Variants in SHC2 observed in about 807,000 individuals in gnomAD.
SHC2 encodes the protein SHC-transforming protein 2.
Under a neutral mutation model 60.6 loss-of-function variants are expected in SHC2, and 62 were observed. The observed-to-expected ratio is 1.02, with a 90% CI of 0.83 to 1.26. The LOEUF is 1.26. SHC2 is among the 50% of genes most tolerant of loss of function. The probability of loss-of-function intolerance (pLI) is 0.00; values close to 1 mark genes in which losing one functional copy is unlikely to be tolerated. For synonymous variants in SHC2, 375 were observed against 372.4 expected, an observed-to-expected ratio of 1.01 and a Z score of -0.08; for missense variants, 873 against 822.2, an observed-to-expected ratio of 1.06 and a Z score of -0.76.
intron 8 of SHC2, among the ~76,000 whole-genome samples, chr19:434,436 G>A (rs370184784): frequency 0.036 from 2,439 of 67,930 alleles, 30 homozygotes; most frequent in Non-Finnish European, 0.05. Flanking sequence ...GACTGAGTGA[G>A]ATCATGAGTC....
Position 425,374 on chromosome 19 carries a change from T to A in SHC2, c.1175-143A>T. The A allele has an allele frequency of 1.5e-6, 1 of 661,838 alleles. No individual in the cohort carries two copies. Among genetic ancestry groups the A allele is most frequent in the Non-Finnish European group, 2.1e-6 (1 of 467,302 alleles). The allele number at this position is 661,838 out of a possible 1,614,324, so 41.0% of individuals were successfully genotyped here. A position where few individuals can be genotyped will look rare whatever the true frequency, so the allele number is the denominator to read the frequency against. On this transcript the variant is annotated intron_variant, in intron 9 of 12. Coordinates refer to ENST00000264554, the MANE Select transcript of SHC2 (RefSeq NM_012435.3). This position sits in a 1 kb window ranked among gnomAD's most constrained non-coding sequence, Gnocchi z 4.1. ...GGCGGATGCTGCTCTGGTCTCCCTGTGGTAACCCGCCCGTCTGCAGGTGCC... is the reference window on the plus strand; with the variant it reads ...GGCGGATGCTGCTCTGGTCTCCCTGAGGTAACCCGCCCGTCTGCAGGTGCC...
In SHC2 at chr19:438,861, G is replaced by A. The variant is rs560638837; in HGVS notation, c.601-24C>T. The A allele has an allele frequency of 2.3e-4, 358 of 1,558,148 alleles. 4 individuals carry two copies. The highest frequency in any genetic ancestry group is 2.0e-3 in the South Asian group (168 of 84,574). On this transcript the variant is annotated intron_variant, in intron 3 of 12. Transcript: ENST00000264554. The surrounding 1 kb of genome is among the most constrained non-coding windows in gnomAD (Gnocchi z 5.0). ...GCCTGAGTTGGGGGCGGAGCACAGC[G>A]AGGGCGGCTGTGGGTGGGGGCTGTC...
rs991248752 is a variant in SHC2, at chr19:422,736, C to G, written c.1310-280G>C. On this transcript the variant is annotated intron_variant, in intron 10 of 12. Coordinates refer to ENST00000264554, the MANE Select transcript of SHC2 (RefSeq NM_012435.3). This position sits in a 1 kb window ranked among gnomAD's most constrained non-coding sequence, Gnocchi z 5.0. ...AGCTCTTTCTTTCAGAGGTTAACTC[C>G]TATTTCTTTTTCCTGCCTTGTCAGG... The G allele has an allele frequency of 1.7e-5, 6 of 360,266 alleles. No individual in the cohort carries two copies. Among genetic ancestry groups the G allele is most frequent in the Non-Finnish European group, 2.5e-5 (5 of 200,428 alleles). The allele number at this position is 360,266 out of a possible 1,614,324, so 22.3% of individuals were successfully genotyped here.
Position 436,619 on chromosome 19 carries a change from C to T in SHC2, c.774+11G>A. 6.2e-7 allele frequency: 1 copy of T among 1,603,140 alleles called. No homozygotes were observed. The highest frequency in any genetic ancestry group is 8.5e-7 in the Non-Finnish European group (1 of 1,177,366). On this transcript the variant is annotated intron_variant, in intron 5 of 12. Transcript: ENST00000264554. ...GCAGGGCTGCAGGTCCACCCCCATCCCTGGCCTCACCGTGTCTCCGCCTGA... is the reference window on the plus strand; with the variant it reads ...GCAGGGCTGCAGGTCCACCCCCATCTCTGGCCTCACCGTGTCTCCGCCTGA...
In SHC2 at chr19:438,670, T is replaced by C. The variant is rs765988654; in HGVS notation, c.720+48A>G. ...ACCTGGCTTTGCCTCCTAGGACTCC[T>C]GGCCCCTCTGGGGGTCTGGGGACGC... On this transcript the variant is annotated intron_variant, in intron 4 of 12. Coordinates refer to ENST00000264554, the MANE Select transcript of SHC2 (RefSeq NM_012435.3). The surrounding 1 kb of genome is among the most constrained non-coding windows in gnomAD (Gnocchi z 5.0). 13 of 1,541,882 alleles carry C rather than the reference T, an allele frequency of 8.4e-6. 1 individual carries two copies. The South Asian group carries it at 1.6e-4, about 18-fold the overall frequency.
intron 1 of SHC2, among the ~76,000 whole-genome samples, chr19:458,243 T>TTC (rs1975415865): frequency 2.0e-5 from 1 of 49,280 alleles, no homozygotes; most frequent in African/African-American, 9.5e-5. Flanking sequence ...GAGGGGGAAG[T>TTC]GGGTTCCGGG....
chr19:427,930 G>A (rs568366063), intron 9 of SHC2, among the ~76,000 whole-genome samples: 1 of 151,546 alleles, frequency 6.6e-6, no homozygotes, highest in African/African-American at 2.4e-5. Flanking sequence ...CACGGCACAG[G>A]AAAAGGGAGG....
In SHC2 at chr19:424,622, C is replaced by T. The variant is rs1043945684; in HGVS notation, c.1309+475G>A. ...TCACAGACGGGGCCGCAGCCTCCCACCACACTGACCATTCTTTCAAGGAAT... is the reference window on the plus strand; with the variant it reads ...TCACAGACGGGGCCGCAGCCTCCCATCACACTGACCATTCTTTCAAGGAAT... On this transcript the variant is annotated intron_variant, in intron 10 of 12. Transcript: ENST00000264554. This position sits in a 1 kb window ranked among gnomAD's most constrained non-coding sequence, Gnocchi z 4.5. Among the ~76,000 whole-genome samples the T allele has an allele frequency of 6.6e-6, 1 of 152,098 alleles. No homozygotes were observed. The highest frequency in any genetic ancestry group is 1.5e-5 in the Non-Finnish European group (1 of 68,014).
chr19:443,412 G>C (rs1386312466), intron 1 of SHC2, among the ~76,000 whole-genome samples: 1 of 148,468 alleles, frequency 6.7e-6, no homozygotes, highest in Non-Finnish European at 1.5e-5. Flanking sequence ...ATGGACGGGT[G>C]AGTGGATGGG....
At position 424,779 on chromosome 19, in the gene SHC2, G is replaced by A. The variant is rs979315732; in HGVS notation, c.1309+318C>T. On this transcript the variant is annotated intron_variant, in intron 10 of 12. Coordinates refer to ENST00000264554, the MANE Select transcript of SHC2 (RefSeq NM_012435.3). This position sits in a 1 kb window ranked among gnomAD's most constrained non-coding sequence, Gnocchi z 4.5. ...ACTGGGGGTTCAGCAGGGAGGCCCC[G>A]GGAGATGGGGTCCTGTAGGAGGGGC... 7.9e-5 allele frequency among the ~76,000 whole-genome samples: 12 copies of A among 152,248 alleles called. No individual in the cohort carries two copies. The highest frequency in any genetic ancestry group is 5.8e-4 in the East Asian group (3 of 5,162).
chr19:457,203 C>A (rs1476488868), intron 1 of SHC2, among the ~76,000 whole-genome samples: 1 of 131,394 alleles, frequency 7.6e-6, no homozygotes, highest in Non-Finnish European at 1.6e-5. Flanking sequence ...AGAACTCTGT[C>A]TGCAAACCCC....
rs1386932768 is a variant in SHC2, at chr19:460,965, G to A, written c.32C>T (p.Pro11Leu). MTQGPGGRAP[P>L]APPAPPEPEA... Reference sequence around the variant, plus strand: ...GGGCTCGGGGGGCGCGGGGGGCGCCGGGGGCGCGCGCCCGCCCGGACCCTG... The same window carrying A: ...GGGCTCGGGGGGCGCGGGGGGCGCCAGGGGCGCGCGCCCGCCCGGACCCTG... Residue 11 changes from proline to leucine, a missense_variant, in exon 1 of 13, where the codon CCG (proline) becomes CTG (leucine). Pro to Leu is a moderately conservative substitution (Grantham distance 98). Transcript: ENST00000264554. 1.0e-6 allele frequency: 1 copy of A among 980,460 alleles called. No individual in the cohort carries two copies. The highest frequency in any genetic ancestry group is 1.8e-5 in the African/African-American group (1 of 56,636). The allele number at this position is 980,460 out of a possible 1,614,324, so 60.7% of individuals were successfully genotyped here. A position where few individuals can be genotyped will look rare whatever the true frequency, so the allele number is the denominator to read the frequency against.
chr19:451,908 A>G (rs73489629), intron 1 of SHC2, among the ~76,000 whole-genome samples: 5,060 of 152,202 alleles, frequency 0.033, 284 homozygotes, highest in African/African-American at 0.11. Flanking sequence ...CATCGTTTTT[A>G]TACAAGTTGG....
intron 1 of SHC2, among the ~76,000 whole-genome samples, chr19:451,368 G>A (rs1975191249): frequency 1.1e-5 from 1 of 94,636 alleles, no homozygotes; most frequent in Non-Finnish European, 1.8e-5. Flanking sequence ...CGTGTGGATG[G>A]CCACGCCGTG....
At chr19:457,732 A>G (rs73489663) in intron 1 of SHC2, among the ~76,000 whole-genome samples, 18,074 of 152,278 alleles carry the variant, frequency 0.12, 1,147 homozygotes, top group Middle Eastern at 0.22. Flanking sequence ...AATTCTGAAC[A>G]TTCTAAATCC....
Position 435,753 on chromosome 19 carries a change from G to A in SHC2, c.953+412C>T, listed in dbSNP as rs116249076. The stretch of plus-strand genomic sequence containing the variant: ...TCTAGAGAATCATATTTTGCAACAC[G>A]TGGCATTCACACTTCAATGTCTATA... On this transcript the variant is annotated intron_variant, in intron 7 of 12. Transcript: ENST00000264554. The A allele has an allele frequency of 4.4e-3, 774 of 174,832 alleles. 7 individuals carry two copies. Among genetic ancestry groups the A allele is most frequent in the African/African-American group, 0.017 (716 of 42,854 alleles). The allele number at this position is 174,832 out of a possible 1,614,324, so 10.8% of individuals were successfully genotyped here.
rs111969974 is a variant in SHC2 at position 418,790 on chromosome 19, C to T, written c.*5+133G>A. The stretch of plus-strand genomic sequence containing the variant: ...ATTCGACAGAGATGGTTGCACGGCT[C>T]GGATGCTGAACACCCCTGAGTCGTG... On this transcript the variant is annotated intron_variant, in intron 12 of 12. Coordinates refer to ENST00000264554, the MANE Select transcript of SHC2 (RefSeq NM_012435.3). 2.2e-3 allele frequency: 2,228 copies of T among 1,005,078 alleles called. 25 individuals carry two copies. The African/African-American group carries it at 0.03, about 13-fold the overall frequency. 62.3% of individuals were successfully genotyped at this position (1,005,078 alleles called of 1,614,324 possible).
At chr19:444,074 TG>T (rs1974993647) in intron 1 of SHC2, among the ~76,000 whole-genome samples, 1 of 136,262 alleles carries the variant, frequency 7.3e-6, no homozygotes, top group Admixed American at 7.3e-5. Context: ...GGTGGATGGG[TG>T]GATGGATGGA....
In SHC2 at chr19:441,570, G is replaced by A. The variant is rs1399080730; in HGVS notation, c.469-638C>T. 1.3e-5 allele frequency among the ~76,000 whole-genome samples: 2 copies of A among 152,076 alleles called. No individual in the cohort carries two copies. Among genetic ancestry groups the A allele is most frequent in the African/African-American group, 2.4e-5 (1 of 41,402 alleles). On this transcript the variant is annotated intron_variant, in intron 1 of 12. Coordinates refer to ENST00000264554, the MANE Select transcript of SHC2 (RefSeq NM_012435.3). The surrounding 1 kb of genome is among the most constrained non-coding windows in gnomAD (Gnocchi z 4.9). ...GCGAAGGCCACAGCGTCCTTCCAAC[G>A]TTGGCCCTTGCTGGAGGGAGGGTAA... is the stretch of plus-strand genomic sequence containing the variant.
Sources: allele counts gnomAD v4.1 joint callset (sites outside exome capture counted in the v4.1 genomes callset), GRCh38; gene constraint gnomAD v4.1.1; non-coding constraint Gnocchi (gnomAD v3.1); transcripts MANE v1.5; gene names NCBI Gene and HGNC (gene_info 2026-07-23, HGNC 2026-07-21).